HIRA: variants seen among roughly 807,000 people sequenced by gnomAD.
The protein encoded by HIRA is protein HIRA.
Under a neutral mutation model 126.6 loss-of-function variants are expected in HIRA, and 13 were observed. That is an observed-to-expected ratio of 0.10 (90% confidence interval 0.07 to 0.16). The LOEUF (loss-of-function observed/expected upper bound fraction) is 0.16, where lower values mean the gene tolerates loss of function less well. Among genes scored for constraint, HIRA ranks in the 10% least tolerant of loss-of-function variants. The probability of loss-of-function intolerance (pLI) is 1.00; values close to 1 mark genes in which losing one functional copy is unlikely to be tolerated. For missense variants in HIRA, 834 were observed against 1,314.4 expected, an observed-to-expected ratio of 0.63 and a Z score of 5.65; for synonymous variants, 511 against 520.0, an observed-to-expected ratio of 0.98 and a Z score of 0.24.
At chr22:19,373,145 T>C (rs890629649) in intron 15 of HIRA, among the ~76,000 whole-genome samples, 3 of 152,254 alleles carry the variant, frequency 2.0e-5, no homozygotes, top group Non-Finnish European at 4.4e-5. Context: ...AAGAGTTTTA[T>C]AGTTTTTGCT....
At chr22:19,421,474 T>C (rs1412185193) in intron 1 of HIRA, among the ~76,000 whole-genome samples, 1 of 152,214 alleles carries the variant, frequency 6.6e-6, no homozygotes, top group Non-Finnish European at 1.5e-5. Flanking sequence ...ATACACTAAA[T>C]GCGTCTTCTA....
At chr22:19,391,630 A>G (rs2089183058) in intron 9 of HIRA, among the ~76,000 whole-genome samples, 2 of 151,672 alleles carry the variant, frequency 1.3e-5, no homozygotes, top group African/African-American at 4.8e-5. Flanking sequence ...ACAGGCGCCC[A>G]CCACCACGCC....
Position 19,351,623 on chromosome 22 carries a change from G to A in HIRA, c.2849-177C>T, listed in dbSNP as rs1255968066. ...GCCCCTGCATGTCTCTCAGCGGGGGGCACTGAGACCCATAATCACAGATTT... is the reference window on the plus strand; with the variant it reads ...GCCCCTGCATGTCTCTCAGCGGGGGACACTGAGACCCATAATCACAGATTT... On this transcript the variant is annotated intron_variant, in intron 23 of 24. Transcript: ENST00000263208. The surrounding 1 kb of genome is among the most constrained non-coding windows in gnomAD (Gnocchi z 4.8). 2.6e-5 allele frequency among the ~76,000 whole-genome samples: 4 copies of A among 152,154 alleles called. No individual in the cohort carries two copies. Among genetic ancestry groups the A allele is most frequent in the Admixed American group, 2.6e-4 (4 of 15,282 alleles).
At chr22:19,385,078 A>G (rs2089113896) in intron 12 of HIRA, among the ~76,000 whole-genome samples, 1 of 152,076 alleles carries the variant, frequency 6.6e-6, no homozygotes, top group South Asian at 2.1e-4. Context: ...CAGCCTACAC[A>G]GGCTCCTGGA....
chr22:19,377,063 T>C (rs189937701), intron 14 of HIRA, among the ~76,000 whole-genome samples: 3 of 152,340 alleles, frequency 2.0e-5, no homozygotes, highest in Admixed American at 2.0e-4. Flanking sequence ...GGGGGGCTGC[T>C]GCCCCTAATC....
At chr22:19,422,199 CATAT>C (rs1169116486) in intron 1 of HIRA, among the ~76,000 whole-genome samples, 6 of 139,468 alleles carry the variant, frequency 4.3e-5, no homozygotes, top group South Asian at 2.7e-4. Context: ...CACACATACA[CATAT>C]ATATATATAC....
chr22:19,334,062 C>A (rs1202470254), intron 24 of HIRA, among the ~76,000 whole-genome samples: 3 of 151,564 alleles, frequency 2.0e-5, no homozygotes, highest in South Asian at 4.2e-4. Context: ...GCAAGCTCCG[C>A]CTCCTGGGTT....
At chr22:19,369,880 G>A (rs1601823617) in intron 15 of HIRA, among the ~76,000 whole-genome samples, 1 of 152,204 alleles carries the variant, frequency 6.6e-6, no homozygotes, top group South Asian at 2.1e-4. Flanking sequence ...AGTAAGCCAA[G>A]ACTGCGCCAC....
Position 19,351,461 on chromosome 22 carries a change from A to G in HIRA, c.2849-15T>C. On this transcript the variant is annotated splice_polypyrimidine_tract_variant and intron_variant, in intron 23 of 24. Coordinates refer to ENST00000263208, the MANE Select transcript of HIRA (RefSeq NM_003325.4). The surrounding 1 kb of genome is among the most constrained non-coding windows in gnomAD (Gnocchi z 4.8). ...GTATTCAAACCCTAATTACAGAAAA[A>G]CAAACAAACAACAACAACAAAAAAC... The G allele has an allele frequency of 6.3e-7, 1 of 1,580,122 alleles. No individual in the cohort carries two copies. The highest frequency in any genetic ancestry group is 2.2e-5 in the East Asian group (1 of 44,724).
At chr22:19,353,971 T>G in intron 22 of HIRA, 25 bp downstream of exon 22, 1 of 1,611,022 alleles carries the variant, frequency 6.2e-7, no homozygotes, top group Non-Finnish European at 8.5e-7. Flanking sequence ...CTAAGGACAG[T>G]GGCCATGGCA....
chr22:19,333,083 A>G (rs2088512439), intron 24 of HIRA, among the ~76,000 whole-genome samples: 2 of 151,974 alleles, frequency 1.3e-5, no homozygotes, highest in Admixed American at 6.6e-5. Context: ...TAATTTTTAT[A>G]TATTTAGTAG....
At chr22:19,355,952 C>T (rs1190915662) in intron 20 of HIRA, 87 bp from the exon 21 acceptor site, 3 of 935,370 alleles carry the variant, frequency 3.2e-6, no homozygotes, top group African/African-American at 3.2e-5. Flanking sequence ...GTACTCTAGG[C>T]TCCCACAGTC....
At chr22:19,375,821 A>G (rs2089012894) in intron 14 of HIRA, 29 bp from the exon 15 acceptor site, 1 of 1,612,370 alleles carries the variant, frequency 6.2e-7, no homozygotes, top group Non-Finnish European at 8.5e-7. Context: ...GAGGCATGTC[A>G]AGCGCAATCC....
intron 1 of HIRA, among the ~76,000 whole-genome samples, chr22:19,413,894 TCCCGGCCACCGTG>T (rs2089374461): frequency 6.6e-6 from 1 of 152,030 alleles, no homozygotes; most frequent in Non-Finnish European, 1.5e-5. Context: ...ACAGGGGTAA[TCCCGGCCACCGTG>T]CCCGGCCAGG....
intron 9 of HIRA, among the ~76,000 whole-genome samples, chr22:19,390,601 C>CAAAAAAAAAA (rs575050947): frequency 0.12 from 4,777 of 38,280 alleles, 1,387 homozygotes; most frequent in Non-Finnish European, 0.18. Flanking sequence ...GACTCTGTCT[C>CAAAAAAAAAA]AAAAAAAAAA....
intron 2 of HIRA, 76 bp downstream of exon 2, chr22:19,410,640 C>G: frequency 9.6e-7 from 1 of 1,044,644 alleles, no homozygotes; most frequent in Non-Finnish European, 1.5e-6. Context: ...ATTCCCTCTA[C>G]AGCTAAATGG....
chr22:19,383,735 CAA>C, intron 12 of HIRA, 30 bp from the exon 13 acceptor site: 1 of 1,577,948 alleles, frequency 6.3e-7, no homozygotes, highest in Non-Finnish European at 8.7e-7. Flanking sequence ...TAAATGAATG[CAA>C]AAGTTTTGGC....
intron 15 of HIRA, among the ~76,000 whole-genome samples, chr22:19,367,409 C>T (rs1022364352): frequency 1.3e-5 from 2 of 150,406 alleles, no homozygotes; most frequent in Non-Finnish European, 2.9e-5. Context: ...CTCTGTTGCT[C>T]AGGCTGGAAT....
intron 24 of HIRA, among the ~76,000 whole-genome samples, chr22:19,334,769 TTA>T (rs2088544885): frequency 6.6e-6 from 1 of 152,162 alleles, no homozygotes; most frequent in Admixed American, 6.5e-5. Flanking sequence ...GCTGGGTTTC[TTA>T]TAAGCAGCAT....
Sources: gnomAD v4.1 joint callset for allele counts (sites outside exome capture counted in the v4.1 genomes callset) on GRCh38, gnomAD v4.1.1 for gene constraint, Gnocchi (gnomAD v3.1) non-coding constraint, MANE v1.5 for transcripts, NCBI Gene and HGNC (gene_info 2026-07-23, HGNC 2026-07-21) for gene names.